The following ACSS3 variants were observed in gnomAD, a reference collection of about 807,000 sequenced individuals.
ACSS3 encodes acyl-CoA synthetase short-chain family member 3, mitochondrial.
In ACSS3, 64 loss-of-function variants were observed where a neutral mutation model predicts 84.2. The observed-to-expected ratio is 0.76, with a 90% CI of 0.62 to 0.94. The LOEUF (loss-of-function observed/expected upper bound fraction) is 0.94, where lower values mean the gene tolerates loss of function less well. ACSS3 is among the 40% of genes least tolerant of loss of function. The pLI, the probability that ACSS3 is intolerant of heterozygous loss-of-function variation, is 0.00. For missense variants in ACSS3, 815 were observed against 867.6 expected, an observed-to-expected ratio of 0.94 and a Z score of 0.76; for synonymous variants, 317 against 310.1, an observed-to-expected ratio of 1.02 and a Z score of -0.23.
intron 8 of ACSS3, among the ~76,000 whole-genome samples, chr12:81,185,542 A>C (rs1639821126): frequency 6.6e-6 from 1 of 151,788 alleles, no homozygotes; most frequent in Non-Finnish European, 1.5e-5. Context: ...TTCTACACAA[A>C]TAATGATCTA....
chr12:81,193,160 G>A lies in ACSS3; in HGVS notation c.1251-6181G>A, dbSNP rs576907809. ...GAAGAAAATTGAATGTAGGGAAAAG[G>A]AAGATAACCACAGATATATTGATGG... On this transcript the variant is annotated intron_variant, in intron 8 of 15. Transcript: ENST00000548058. Among the ~76,000 whole-genome samples, 16 of 152,226 alleles carry A rather than the reference G, an allele frequency of 1.1e-4. 1 individual carries two copies. The South Asian group carries it at 3.1e-3, about 30-fold the overall frequency.
At chr12:81,104,976 G>A (rs192934439) in intron 1 of ACSS3, 152 of 152,258 alleles carry the variant, frequency 1.0e-3, no homozygotes, top group Middle Eastern at 3.4e-3. Context: ...ATCACCCAAA[G>A]AGCGTATGTT....
chr12:81,254,694 G>C (rs2034251918), intron 15 of ACSS3, among the ~76,000 whole-genome samples, 163 bp from the exon 16 acceptor site: 1 of 152,114 alleles, frequency 6.6e-6, no homozygotes, highest in Non-Finnish European at 1.5e-5. Context: ...GAAAGCTACA[G>C]ATGAGTATTA....
At chr12:81,175,032 TA>T in intron 8 of ACSS3, 93 bp downstream of exon 8, 1 of 1,362,074 alleles carries the variant, frequency 7.3e-7, no homozygotes, top group Non-Finnish European at 9.8e-7. Flanking sequence ...GGAATACTCT[TA>T]TAGGAAGAGC....
At chr12:81,106,859 T>C (rs1883048925) in intron 1 of ACSS3, among the ~76,000 whole-genome samples, 1 of 152,024 alleles carries the variant, frequency 6.6e-6, no homozygotes, top group African/African-American at 2.4e-5. Flanking sequence ...AGATGTGACA[T>C]TACATATAAA....
At chr12:81,209,531 C>G (rs796544543) in intron 9 of ACSS3, among the ~76,000 whole-genome samples, 31 of 152,134 alleles carry the variant, frequency 2.0e-4, no homozygotes, top group African/African-American at 7.5e-4. Context: ...ACAACCCGGA[C>G]AGTATTCAGT....
intron 2 of ACSS3, among the ~76,000 whole-genome samples, chr12:81,132,370 T>C (rs1369553735): frequency 6.6e-6 from 1 of 152,176 alleles, no homozygotes; most frequent in African/African-American, 2.4e-5. Flanking sequence ...GGTGTATGTG[T>C]ACAGGAATTT....
chr12:81,148,155 C>G (rs1297210527), intron 5 of ACSS3, among the ~76,000 whole-genome samples: 1 of 126,266 alleles, frequency 7.9e-6, no homozygotes, highest in Non-Finnish European at 1.9e-5. Flanking sequence ...TATTTAAAGA[C>G]CATTAAAAAA....
chr12:81,213,702 T>TCTCCCCTCCA (rs1555181587), intron 9 of ACSS3, among the ~76,000 whole-genome samples: 18 of 20,866 alleles, frequency 8.6e-4, no homozygotes, highest in Admixed American at 3.4e-3. Context: ...GCTGCCCTCC[T>TCTCCCCTCCA]CTCCCCTCCG....
rs34512313 is a variant in ACSS3 at position 81,100,216 on chromosome 12, G to GTTTT, written c.312-9324_312-9321dup. 6.9e-4 allele frequency among the ~76,000 whole-genome samples: 73 copies of GTTTT among 106,548 alleles called. 1 individual carries two copies. The highest frequency in any genetic ancestry group is 1.9e-3 in the East Asian group (7 of 3,674). 69.9% of individuals were successfully genotyped at this position (106,548 alleles called of 152,430 possible). On this transcript the variant is annotated intron_variant, in intron 1 of 15. Coordinates refer to ENST00000548058, the MANE Select transcript of ACSS3 (RefSeq NM_024560.4). The stretch of plus-strand genomic sequence containing the variant: ...GGCAAGGACAAATGCAAAATTACCA[G>GTTTT]TTTTTTTTTTTTTTTTTTTTTTTGA...
chr12:81,237,184 A>G (rs987855998), intron 13 of ACSS3, among the ~76,000 whole-genome samples: 12 of 151,524 alleles, frequency 7.9e-5, no homozygotes, highest in African/African-American at 2.4e-4. Context: ...TAGCAGGTAA[A>G]TACCCAAGAA....
intron 1 of ACSS3, among the ~76,000 whole-genome samples, chr12:81,090,005 G>A (rs1361440157): frequency 6.6e-6 from 1 of 151,928 alleles, no homozygotes; most frequent in African/African-American, 2.4e-5. Flanking sequence ...TCTACCTTCT[G>A]TTTTACATAG....
At chr12:81,139,299 G>C (rs2107415) in intron 4 of ACSS3, 34 bp downstream of exon 4, 733,412 of 1,604,800 alleles carry the variant, frequency 0.46, 179,738 homozygotes, top group Non-Finnish European at 0.51. Flanking sequence ...TCTTGCTTAT[G>C]GTAATATGCT....
rs1351075375 is a variant in ACSS3 at position 81,213,938 on chromosome 12, TC to T, written c.1355-2962del. ...CTTCCTTCCTTCCTTCCTTCCTTTC[TC>T]TCTCTCTCTCCCTCTCTCTCTTTCT... On this transcript the variant is annotated intron_variant, in intron 9 of 15. Transcript: ENST00000548058. Among the ~76,000 whole-genome samples, 713 of 97,452 alleles carry T rather than the reference TC, an allele frequency of 7.3e-3. 41 individuals are homozygous for T. Among genetic ancestry groups the T allele is most frequent in the Non-Finnish European group, 0.013 (589 of 45,764 alleles). 63.9% of individuals were successfully genotyped at this position (97,452 alleles called of 152,430 possible). A position where few individuals can be genotyped will look rare whatever the true frequency, so the allele number is the denominator to read the frequency against.
chr12:81,199,653 T>C (rs1429718387), intron 9 of ACSS3: 1 of 1,480,100 alleles, frequency 6.8e-7, no homozygotes, highest in Non-Finnish European at 9.0e-7. Context: ...ATTCTCTTGG[T>C]CCCTAGGTAT....
chr12:81,143,062 T>A (rs1162140456), intron 4 of ACSS3, 45 bp from the exon 5 acceptor site: 1 of 1,472,986 alleles, frequency 6.8e-7, no homozygotes, highest in Non-Finnish European at 9.1e-7. Context: ...TCTCTTGATT[T>A]AATCTCCTTA....
chr12:81,114,513 G>T (rs1248610672), intron 2 of ACSS3, among the ~76,000 whole-genome samples: 2 of 152,102 alleles, frequency 1.3e-5, no homozygotes, highest in African/African-American at 4.8e-5. Context: ...AGGACTTGCA[G>T]AAATTCAGCC....
intron 13 of ACSS3, among the ~76,000 whole-genome samples, chr12:81,238,379 T>C (rs559219471): frequency 2.6e-5 from 4 of 151,890 alleles, no homozygotes; most frequent in African/African-American, 9.6e-5. Flanking sequence ...AGTTAGAAAA[T>C]ATTCCCATGA....
chr12:81,174,364 A>C (rs2135819049), intron 7 of ACSS3, among the ~76,000 whole-genome samples: 1 of 152,268 alleles, frequency 6.6e-6, no homozygotes, highest in Non-Finnish European at 1.5e-5. Flanking sequence ...CTGCTTTTTC[A>C]GATTTTTCTT....
Sources: gnomAD v4.1 joint callset for allele counts (sites outside exome capture counted in the v4.1 genomes callset) on GRCh38, gnomAD v4.1.1 for gene constraint, MANE v1.5 for transcripts, NCBI Gene and HGNC (gene_info 2026-07-23, HGNC 2026-07-21) for gene names.